LZTS1: variants seen among roughly 807,000 people sequenced by gnomAD.
LZTS1 encodes leucine zipper tumor suppressor 1, also known as leucine zipper putative tumor suppressor 1.
LZTS1 carries 31 observed loss-of-function variants against 45.8 expected under a neutral mutation model. The observed-to-expected ratio is 0.68, with a 90% confidence interval of 0.51 to 0.91. The LOEUF is 0.91. LZTS1 is among the 40% of genes least tolerant of loss of function. The pLI, the probability that LZTS1 is intolerant of heterozygous loss-of-function variation, is 0.00. For missense variants in LZTS1, 821 were observed against 788.9 expected (o/e 1.04, Z -0.49); for synonymous variants, 359 against 357.3 (o/e 1.00, Z -0.05).
At chr8:20,288,989 T>TTTTTC (rs1160197531) in intron 1 of LZTS1, among the ~76,000 whole-genome samples, 1 of 148,352 alleles carries the variant, frequency 6.7e-6, no homozygotes, top group Non-Finnish European at 1.5e-5. Flanking sequence ...AGCAGCTGGT[T>TTTTTC]TTTTTTTTTT....
chr8:20,284,842 A>C (rs949651729), intron 1 of LZTS1, among the ~76,000 whole-genome samples: 2 of 151,956 alleles, frequency 1.3e-5, no homozygotes, highest in Non-Finnish European at 2.9e-5. Context: ...CTGCCTGATA[A>C]CCTTTCCCTG....
In LZTS1 at chr8:20,300,433, C is replaced by T. The variant is rs552287801; in HGVS notation, c.-135+3307G>A. On this transcript the variant is annotated intron_variant, in intron 1 of 3. Coordinates refer to ENST00000381569, the MANE Select transcript of LZTS1 (RefSeq NM_021020.5). ...CTGCAAGCTCCCCCTCCCGGGTTCA[C>T]GCCATTCTCCTGCCTCAGCCTCCCA... 2.3e-3 allele frequency among the ~76,000 whole-genome samples: 354 copies of T among 152,028 alleles called. 2 individuals are homozygous for T. The highest frequency in any genetic ancestry group is 7.1e-3 in the African/African-American group (295 of 41,448).
chr8:20,303,323 C>G (rs1282739511), intron 1 of LZTS1, among the ~76,000 whole-genome samples: 2 of 152,162 alleles, frequency 1.3e-5, no homozygotes, highest in Non-Finnish European at 2.9e-5. Context: ...GCGGCCCGGA[C>G]CGACCGCCGG....
intron 1 of LZTS1, among the ~76,000 whole-genome samples, chr8:20,278,479 C>T (rs148189849): frequency 7.2e-5 from 11 of 152,266 alleles, no homozygotes; most frequent in African/African-American, 2.6e-4. Context: ...AAGGTCAAAC[C>T]GTACACTTGA....
chr8:20,300,337 T>G (rs181352669), intron 1 of LZTS1, among the ~76,000 whole-genome samples: 1 of 152,304 alleles, frequency 6.6e-6, no homozygotes, highest in East Asian at 1.9e-4. Context: ...CACTGTATTT[T>G]TTTTTTCTTT....
intron 1 of LZTS1, among the ~76,000 whole-genome samples, chr8:20,280,750 G>A (rs77289633): frequency 0.034 from 5,247 of 152,188 alleles, 134 homozygotes; most frequent in Non-Finnish European, 0.051. Flanking sequence ...ACATCACTCC[G>A]GACAGACCCA....
intron 2 of LZTS1, 28 bp from the exon 3 acceptor site, chr8:20,253,613 C>T: frequency 7.0e-7 from 1 of 1,423,072 alleles, no homozygotes; most frequent in Non-Finnish European, 9.2e-7. Flanking sequence ...CGCGGTGACT[C>T]ATGCCTCCCC....
chr8:20,302,406 T>C (rs1801096070), intron 1 of LZTS1, among the ~76,000 whole-genome samples: 1 of 152,166 alleles, frequency 6.6e-6, no homozygotes, highest in Non-Finnish European at 1.5e-5. Flanking sequence ...CGCACACTCT[T>C]CGGGCACCTC....
chr8:20,289,128 A>G (rs947957438), intron 1 of LZTS1: 1 of 152,118 alleles, frequency 6.6e-6, no homozygotes, highest in African/African-American at 2.4e-5. Context: ...TTATCTAAAG[A>G]ACTCACAGCA....
chr8:20,249,787 G>C lies in LZTS1; in HGVS notation c.1726C>G (p.Pro576Ala). 6.2e-7 allele frequency: 1 copy of C among 1,613,732 alleles called. No individual in the cohort carries two copies. The highest frequency in any genetic ancestry group is 8.5e-7 in the Non-Finnish European group (1 of 1,180,002). Residue 576 changes from proline (P) to alanine (A), a missense_variant, in exon 4 of 4, where the codon CCC becomes GCC. Coordinates refer to ENST00000381569, the MANE Select transcript of LZTS1 (RefSeq NM_021020.5). Reference sequence around the variant, plus strand: ...GCCCCTTCCAGGTCAACCTCCAAGGGCTCCCCGGCGCTGTCCCCACGTGCC... The same window carrying C: ...GCCCCTTCCAGGTCAACCTCCAAGGCCTCCCCGGCGCTGTCCCCACGTGCC... The part of the protein sequence containing the change: ...QLARGDSAGE[P>A]LEVDLEGADI...
chr8:20,259,328 C>G (rs1349006072), intron 1 of LZTS1, among the ~76,000 whole-genome samples: 2 of 152,288 alleles, frequency 1.3e-5, no homozygotes, highest in African/African-American at 2.4e-5. Flanking sequence ...CAGATGTGTG[C>G]ACGATATGTG....
At chr8:20,255,388 G>A (rs2128892921) in intron 1 of LZTS1, 73 bp from the exon 2 acceptor site, 1 of 1,092,914 alleles carries the variant, frequency 9.1e-7, no homozygotes, top group South Asian at 1.7e-5. Flanking sequence ...CCGACTTCCA[G>A]ATCTGGGCAG....
At position 20,252,969 on chromosome 8, in the gene LZTS1, G is replaced by C. The variant is rs774082505; in HGVS notation, c.962C>G (p.Ser321Trp). The change falls in exon 3 of 4, where the codon TCG becomes TGG. Residue 321 changes from serine to tryptophan, a missense_variant. Ser to Trp is a radical substitution (Grantham distance 177). Transcript: ENST00000381569. ...PKGGNKLKQA[S>W]QKSQRAQQVL... Reference sequence around the variant, plus strand: ...CTGCTGCGCGCGCTGGCTCTTCTGCGAGGCCTGCTTGAGCTTGTTGCCGCC... The same window carrying C: ...CTGCTGCGCGCGCTGGCTCTTCTGCCAGGCCTGCTTGAGCTTGTTGCCGCC... 2.6e-5 allele frequency: 42 copies of C among 1,588,016 alleles called. No homozygotes were observed. The highest frequency in any genetic ancestry group is 3.3e-5 in the Non-Finnish European group (39 of 1,167,540).
chr8:20,272,211 C>G (rs1800487238), intron 1 of LZTS1, among the ~76,000 whole-genome samples: 1 of 152,170 alleles, frequency 6.6e-6, no homozygotes, highest in Admixed American at 6.5e-5. Flanking sequence ...CAGGTCATCT[C>G]CCACTATTTC....
intron 3 of LZTS1, 142 bp downstream of exon 3, chr8:20,252,640 C>T: frequency 1.7e-6 from 1 of 598,726 alleles, no homozygotes; most frequent in African/African-American, 1.9e-5. Flanking sequence ...GGAGCCCCTT[C>T]TTTGGGTGAT....
At chr8:20,282,500 A>G (rs1436692652) in intron 1 of LZTS1, among the ~76,000 whole-genome samples, 3 of 152,226 alleles carry the variant, frequency 2.0e-5, no homozygotes, top group Admixed American at 6.5e-5. Flanking sequence ...ACAGATGAGG[A>G]CTGTAACGTA....
At chr8:20,290,996 C>T (rs1182573270) in intron 1 of LZTS1, among the ~76,000 whole-genome samples, 2 of 152,224 alleles carry the variant, frequency 1.3e-5, no homozygotes, top group African/African-American at 4.8e-5. Context: ...TCCCAACCTT[C>T]TCCCCTCAGC....
chr8:20,252,267 C>T (rs1799944022), intron 3 of LZTS1, among the ~76,000 whole-genome samples: 1 of 152,142 alleles, frequency 6.6e-6, no homozygotes, highest in South Asian at 2.1e-4. Context: ...CATCTCAGCT[C>T]ACCAAATAGA....
At chr8:20,256,039 C>T (rs117357263) in intron 1 of LZTS1, among the ~76,000 whole-genome samples, 7,848 of 135,104 alleles carry the variant, frequency 0.058, 290 homozygotes, top group Non-Finnish European at 0.087. Context: ...TGTGCCACTG[C>T]ACTCCAGCCT....
Sources: gnomAD v4.1 joint callset for allele counts (sites outside exome capture counted in the v4.1 genomes callset) on GRCh38, gnomAD v4.1.1 for gene constraint, MANE v1.5 for transcripts, NCBI Gene and HGNC (gene_info 2026-07-23, HGNC 2026-07-21) for gene names.